The following ADGRB1 variants were observed in gnomAD, a reference collection of about 807,000 sequenced individuals.
ADGRB1 encodes brain-specific angiogenesis inhibitor 1.
Under a neutral mutation model 175.7 loss-of-function variants are expected in ADGRB1, and 36 were observed. The ratio of observed to expected loss-of-function variants is 0.20; its 90% confidence interval spans 0.16 to 0.27. ADGRB1 has a LOEUF of 0.27. ADGRB1 is among the 10% of genes least tolerant of loss of function. The pLI, the probability that ADGRB1 is intolerant of heterozygous loss-of-function variation, is 1.00. For missense variants in ADGRB1, 1,731 were observed against 2,255.3 expected (o/e 0.77, Z 4.71); for synonymous variants, 1,054 against 979.4 (o/e 1.08, Z -1.42).
At chr8:142,482,038 A>G (rs910601160) in intron 11 of ADGRB1, among the ~76,000 whole-genome samples, 1 of 130,348 alleles carries the variant, frequency 7.7e-6, no homozygotes, top group Non-Finnish European at 1.7e-5. Flanking sequence ...AGCCCTGATC[A>G]TAGGCTGAGC....
At chr8:142,479,206 A>T (rs1354557886) in intron 7 of ADGRB1, 117 bp from the exon 8 acceptor site, 2 of 1,181,928 alleles carry the variant, frequency 1.7e-6, no homozygotes, top group Non-Finnish European at 2.2e-6. Flanking sequence ...CTGGGTCCCT[A>T]TGTTTCACTG....
At chr8:142,478,144 T>C (rs918594481) in intron 6 of ADGRB1, 43 bp from the exon 7 acceptor site, 2 of 1,565,696 alleles carry the variant, frequency 1.3e-6, no homozygotes, top group Non-Finnish European at 1.7e-6. Flanking sequence ...GGCATTGGGG[T>C]GCCGGGTGTT....
chr8:142,494,783 C>T (rs1842136405), intron 17 of ADGRB1, among the ~76,000 whole-genome samples: 2 of 151,864 alleles, frequency 1.3e-5, no homozygotes, highest in African/African-American at 4.8e-5. Context: ...CAGCATGGCT[C>T]AGGTGCTCCT....
In ADGRB1 at chr8:142,464,895, G is replaced by T; in HGVS notation, c.697G>T (p.Asp233Tyr). 1 of 1,527,316 alleles carries T rather than the reference G, an allele frequency of 6.5e-7. No individual in the cohort carries two copies. Among genetic ancestry groups the T allele is most frequent in the Non-Finnish European group, 8.8e-7 (1 of 1,142,478 alleles). 94.6% of individuals were successfully genotyped at this position (1,527,316 alleles called of 1,614,324 possible). A position where few individuals can be genotyped will look rare whatever the true frequency, so the allele number is the denominator to read the frequency against. The change falls in exon 2 of 31, where the codon GAT (aspartate) becomes TAT (tyrosine). Residue 233 changes from aspartate (D) to tyrosine (Y), a missense_variant. By Grantham distance (160) the Asp-to-Tyr change is radical. Transcript: ENST00000517894. The stretch of plus-strand genomic sequence containing the variant: ...CGCGGGACCCCTGGCCCCCCGCGGG[G>T]ATGTCTGCTTGAGAGATGCGGTGGC... ...PAAGPLAPRG[D>Y]VCLRDAVAGG...
rs376677183 is a variant in ADGRB1, at chr8:142,481,705, C to T, written c.2124C>T (p.Asp708=). ...CGTACTACAGCCCCACCCCTGGGGA[C>T]GTACAGGTGGGCTCCCCGAGCGGCA... ...RRAYYSPTPG[D]VQNFVQILSN... Residue 708 remains aspartate (D), a synonymous_variant, in exon 11 of 31, where the codon GAC becomes GAT. Transcript: ENST00000517894. The T allele has an allele frequency of 2.9e-5, 46 of 1,564,436 alleles. No individual in the cohort carries two copies. Among genetic ancestry groups the T allele is most frequent in the East Asian group, 4.6e-5 (2 of 43,788 alleles).
chr8:142,480,572 C>T (rs915566583), intron 9 of ADGRB1, among the ~76,000 whole-genome samples: 6 of 152,208 alleles, frequency 3.9e-5, no homozygotes, highest in South Asian at 2.1e-4. Flanking sequence ...CGCACGGTGG[C>T]GTGCCTCCCC....
At chr8:142,469,920 G>A (rs1174792727) in intron 2 of ADGRB1, among the ~76,000 whole-genome samples, 10 of 152,214 alleles carry the variant, frequency 6.6e-5, no homozygotes, top group African/African-American at 1.7e-4. Flanking sequence ...CCCAGGGAGC[G>A]TTGTGCCCTC....
intron 12 of ADGRB1, 23 bp from the exon 13 acceptor site, chr8:142,484,633 C>G (rs1841563736): frequency 1.3e-6 from 2 of 1,594,924 alleles, no homozygotes; most frequent in Admixed American, 3.5e-5. Flanking sequence ...CCTCCCTCGG[C>G]TGCTCACCCC....
In ADGRB1 at chr8:142,520,922, C is replaced by T. The variant is rs1843800182; in HGVS notation, c.3021C>T (p.Asn1007=). 1.2e-6 allele frequency: 2 copies of T among 1,612,288 alleles called. No individual in the cohort carries two copies. Among genetic ancestry groups the T allele is most frequent in the Non-Finnish European group, 1.7e-6 (2 of 1,178,476 alleles). The change falls in exon 20 of 31, where the codon AAC becomes AAT. Residue 1007 remains asparagine, a synonymous_variant. Transcript: ENST00000517894. The part of the protein sequence containing the change: ...LILIGQTQTR[N]KVVCTLVAAF... Reference sequence around the variant, plus strand: ...TCATCGGGCAGACCCAGACCCGCAACAAGGTAGGCAGCCTTGCGTCCTGCC... The same window carrying T: ...TCATCGGGCAGACCCAGACCCGCAATAAGGTAGGCAGCCTTGCGTCCTGCC...
chr8:142,508,929 CCT>C (rs1247316858), intron 17 of ADGRB1, among the ~76,000 whole-genome samples: 1 of 152,240 alleles, frequency 6.6e-6, no homozygotes, highest in Non-Finnish European at 1.5e-5. Flanking sequence ...CCCTGCAGAA[CCT>C]CAGGCCGGCT....
At position 142,463,969 on chromosome 8, in the gene ADGRB1, T is replaced by G; in HGVS notation, c.-219-11T>G. ...AGTGCTCACTCTGACCCTCTGCTCT[T>G]TCTCTTCCAGCTGCTGCTGGTGGCC... On this transcript the variant is annotated splice_polypyrimidine_tract_variant and intron_variant, in intron 1 of 30. Transcript: ENST00000517894. 2.8e-6 allele frequency: 1 copy of G among 357,248 alleles called. No individual in the cohort carries two copies. Among genetic ancestry groups the G allele is most frequent in the Non-Finnish European group, 4.9e-6 (1 of 202,814 alleles). 22.1% of individuals were successfully genotyped at this position (357,248 alleles called of 1,614,324 possible).
rs184775813 is a variant in ADGRB1 at position 142,460,224 on chromosome 8, T to A, written c.-219-3756T>A. Among the ~76,000 whole-genome samples, 420 of 151,906 alleles carry A rather than the reference T, an allele frequency of 2.8e-3. 2 individuals are homozygous for A. Among genetic ancestry groups the A allele is most frequent in the Non-Finnish European group, 3.2e-3 (219 of 67,924 alleles). On this transcript the variant is annotated intron_variant, in intron 1 of 30. Coordinates refer to ENST00000517894, the MANE Select transcript of ADGRB1 (RefSeq NM_001702.3). ...CAGGTGGGGTGCAGGAGACCTCGGC[T>A]GGCTCAGGGATGGGTGGGTCTGCTG... is the stretch of plus-strand genomic sequence containing the variant.
At chr8:142,476,486 C>A in intron 3 of ADGRB1, 99 bp from the exon 4 acceptor site, 1 of 1,080,406 alleles carries the variant, frequency 9.3e-7, no homozygotes, top group Non-Finnish European at 1.4e-6. Context: ...CCAGTGGAGC[C>A]AGGTGGCCCA....
At chr8:142,479,078 G>A (rs1216681127) in intron 7 of ADGRB1, 2 of 427,976 alleles carry the variant, frequency 4.7e-6, no homozygotes, top group Non-Finnish European at 4.1e-6. Flanking sequence ...ACAGTGAGGT[G>A]TGGAGGGTGG....
chr8:142,480,177 G>A (rs1347352865), intron 9 of ADGRB1, among the ~76,000 whole-genome samples: 1 of 152,230 alleles, frequency 6.6e-6, no homozygotes, highest in Non-Finnish European at 1.5e-5. Flanking sequence ...AGAAAGCAGG[G>A]CTCCACGGGG....
chr8:142,516,488 CG>C (rs1843446349), intron 18 of ADGRB1, among the ~76,000 whole-genome samples: 1 of 117,968 alleles, frequency 8.5e-6, no homozygotes, highest in African/African-American at 3.3e-5. Flanking sequence ...TGTGCGCGCG[CG>C]TGTGTGCGGG....
intron 11 of ADGRB1, 97 bp downstream of exon 11, chr8:142,481,808 C>G: frequency 9.1e-7 from 1 of 1,100,490 alleles, no homozygotes; most frequent in Non-Finnish European, 1.3e-6. Context: ...CTGGCCACAG[C>G]CCAGGCCCTA....
intron 17 of ADGRB1, among the ~76,000 whole-genome samples, chr8:142,503,322 G>A (rs1003769881): frequency 1.3e-5 from 2 of 152,086 alleles, no homozygotes; most frequent in African/African-American, 2.4e-5. Flanking sequence ...GGGAAGGTTT[G>A]GGATCTGCTA....
At chr8:142,526,391 G>C in intron 23 of ADGRB1, 151 bp from the exon 24 acceptor site, 2 of 700,700 alleles carry the variant, frequency 2.9e-6, no homozygotes, top group Non-Finnish European at 5.1e-6. Context: ...ATCCCATCAG[G>C]CACTGGGGTT....
Sources: gnomAD v4.1 joint callset for allele counts (sites outside exome capture counted in the v4.1 genomes callset) on GRCh38, gnomAD v4.1.1 for gene constraint, MANE v1.5 for transcripts, NCBI Gene and HGNC (gene_info 2026-07-23, HGNC 2026-07-21) for gene names.